BBX: variants seen among roughly 807,000 people sequenced by gnomAD.
BBX encodes the protein BBX high mobility group box domain containing.
In BBX, 30 loss-of-function variants were observed where a neutral mutation model predicts 100.2. The observed-to-expected ratio is 0.30, with a 90% confidence interval of 0.22 to 0.41. The LOEUF is 0.41. Among genes scored for constraint, BBX ranks in the 10% least tolerant of loss-of-function variants. BBX has a pLI of 1.00. For synonymous variants in BBX, 376 were observed against 388.1 expected, an observed-to-expected ratio of 0.97 and a Z score of 0.37; for missense variants, 1,023 against 1,129.8, an observed-to-expected ratio of 0.91 and a Z score of 1.35.
intron 2 of BBX, among the ~76,000 whole-genome samples, chr3:107,635,759 C>G (rs574058530): frequency 6.7e-6 from 1 of 149,640 alleles, no homozygotes; most frequent in Admixed American, 6.7e-5. Context: ...GTTGCCCAGG[C>G]TGGGGTGCAG....
chr3:107,679,840 C>T (rs886393557), intron 3 of BBX, among the ~76,000 whole-genome samples: 2 of 152,140 alleles, frequency 1.3e-5, no homozygotes, highest in South Asian at 2.1e-4. Flanking sequence ...TTACTCTTCC[C>T]CAAAGCCATA....
intron 5 of BBX, among the ~76,000 whole-genome samples, chr3:107,725,136 T>C (rs2062824026): frequency 6.6e-6 from 1 of 152,130 alleles, no homozygotes. Context: ...CCCTTGTAAG[T>C]TGGATTGCTA....
At chr3:107,746,080 A>G (rs2064576431) in intron 8 of BBX, among the ~76,000 whole-genome samples, 1 of 152,126 alleles carries the variant, frequency 6.6e-6, no homozygotes, top group African/African-American at 2.4e-5. Context: ...CTTCTGAGAT[A>G]CTTTTCACAA....
rs79652529 is a variant in BBX at position 107,602,568 on chromosome 3, G to A, written c.-83-43268G>A. On this transcript the variant is annotated intron_variant, in intron 2 of 17. Coordinates refer to ENST00000325805, the MANE Select transcript of BBX (RefSeq NM_001142568.3). ...CTTGTCTCAAAAAATATATATTGGT[G>A]ATTCATTGGGAGGAGGTGAAAATAT... Among the ~76,000 whole-genome samples the A allele has an allele frequency of 4.2e-3, 644 of 152,270 alleles. 1 individual carries two copies. The highest frequency in any genetic ancestry group is 7.3e-3 in the Admixed American group (111 of 15,292).
rs1156396951 is a variant in BBX, at chr3:107,737,884, G to GTTTTTTTTTTT, written c.669+4881_669+4891dup. On this transcript the variant is annotated intron_variant, in intron 7 of 17. Transcript: ENST00000325805. ...GGACCAGAAGTACTTCAGAGTTCCA[G>GTTTTTTTTTTT]TTTTTTTTTTTTTTTTTTTTTTTTT... 7.8e-4 allele frequency among the ~76,000 whole-genome samples: 38 copies of GTTTTTTTTTTT among 48,888 alleles called. 4 individuals are homozygous for GTTTTTTTTTTT. The highest frequency in any genetic ancestry group is 1.1e-3 in the Non-Finnish European group (32 of 29,118). The allele number at this position is 48,888 out of a possible 152,430, so 32.1% of individuals were successfully genotyped here.
intron 3 of BBX, among the ~76,000 whole-genome samples, chr3:107,708,468 G>A (rs1002564122): frequency 2.6e-5 from 4 of 152,246 alleles, no homozygotes; most frequent in South Asian, 2.1e-4. Context: ...AAGGTCAGGA[G>A]TTCAAGACCA....
intron 3 of BBX, among the ~76,000 whole-genome samples, chr3:107,654,835 C>T (rs1307107184): frequency 6.6e-6 from 1 of 151,972 alleles, no homozygotes; most frequent in African/African-American, 2.4e-5. Context: ...TGAAATGGGG[C>T]AAATACCTGC....
chr3:107,695,517 T>A (rs900994044), intron 3 of BBX, among the ~76,000 whole-genome samples: 1 of 142,626 alleles, frequency 7.0e-6, no homozygotes, highest in Non-Finnish European at 1.5e-5. Flanking sequence ...TGAGTGAGAT[T>A]CTTAATCCTG....
Position 107,805,464 on chromosome 3 carries a change from C to G in BBX, c.*7C>G, listed in dbSNP as rs750705038. On this transcript the variant is annotated 3_prime_UTR_variant, in exon 18 of 18. Coordinates refer to ENST00000325805, the MANE Select transcript of BBX (RefSeq NM_001142568.3). Reference sequence around the variant, plus strand: ...TTCCTGCGCTGACCAGTGAAGCGCCCTTTCATTGTAAAACATTGTGCTTTA... The same window carrying G: ...TTCCTGCGCTGACCAGTGAAGCGCCGTTTCATTGTAAAACATTGTGCTTTA... The G allele has an allele frequency of 7.4e-6, 12 of 1,614,154 alleles. No individual in the cohort carries two copies. In the South Asian group the frequency reaches 1.3e-4, roughly 18 times the overall value.
intron 10 of BBX, among the ~76,000 whole-genome samples, chr3:107,764,598 C>A (rs181567463): frequency 1.6e-3 from 243 of 152,304 alleles, no homozygotes; most frequent in African/African-American, 5.7e-3. Flanking sequence ...TCTTTGAATG[C>A]AGTCACGGGA....
chr3:107,656,328 A>G (rs2058140962), intron 3 of BBX, among the ~76,000 whole-genome samples: 1 of 152,184 alleles, frequency 6.6e-6, no homozygotes, highest in African/African-American at 2.4e-5. Flanking sequence ...TCTCTCAACA[A>G]TTAATATATC....
chr3:107,546,332 C>G (rs1273520867), intron 2 of BBX, among the ~76,000 whole-genome samples: 1 of 152,128 alleles, frequency 6.6e-6, no homozygotes, highest in Non-Finnish European at 1.5e-5. Flanking sequence ...TGTCATAAAT[C>G]TAGGAAATTT....
chr3:107,528,485 G>T (rs1313771461), intron 2 of BBX, among the ~76,000 whole-genome samples: 1 of 152,128 alleles, frequency 6.6e-6, no homozygotes, highest in African/African-American at 2.4e-5. Flanking sequence ...GAAACATTAA[G>T]AAAATGTATC....
At chr3:107,577,805 C>T (rs622405) in intron 2 of BBX, among the ~76,000 whole-genome samples, 13,573 of 152,116 alleles carry the variant, frequency 0.089, 764 homozygotes, top group Non-Finnish European at 0.12. Flanking sequence ...CCCATAAGTG[C>T]TTAGTGACTG....
chr3:107,807,887 C>G lies in BBX; in HGVS notation c.*2430C>G, dbSNP rs1348621540. The G allele has an allele frequency of 6.6e-6, 1 of 152,038 alleles. No individual in the cohort carries two copies. The highest frequency in any genetic ancestry group is 1.5e-5 in the Non-Finnish European group (1 of 68,000). The allele number at this position is 152,038 out of a possible 1,614,324, so 9.4% of individuals were successfully genotyped here. A position where few individuals can be genotyped will look rare whatever the true frequency, so the allele number is the denominator to read the frequency against. On this transcript the variant is annotated 3_prime_UTR_variant, in exon 18 of 18. Transcript: ENST00000325805. The stretch of plus-strand genomic sequence containing the variant: ...TAAAACAAACCTTTTTGTAGAAATG[C>G]TTAATTTTTAAGCGGTTAGGCACTG...
intron 3 of BBX, among the ~76,000 whole-genome samples, chr3:107,673,322 G>A (rs578110427): frequency 1.2e-3 from 176 of 152,084 alleles, no homozygotes; most frequent in African/African-American, 4.1e-3. Context: ...TTTGATTAGG[G>A]CAAAGAGTTT....
chr3:107,666,962 A>G (rs1037297659), intron 3 of BBX, among the ~76,000 whole-genome samples: 1 of 152,220 alleles, frequency 6.6e-6, no homozygotes, highest in African/African-American at 2.4e-5. Flanking sequence ...TCACTGGGCT[A>G]TACAGCCATG....
chr3:107,747,965 A>T lies in BBX; in HGVS notation c.751A>T (p.Ile251Leu), dbSNP rs780148204. Residue 251 changes from isoleucine (I) to leucine (L), a missense_variant and splice_region_variant, in exon 9 of 18, where the codon ATA (isoleucine) becomes TTA (leucine). This residue lies in a region of BBX where 95 missense variants were observed against 95.1 expected (regional missense o/e 1.00). Coordinates refer to ENST00000325805, the MANE Select transcript of BBX (RefSeq NM_001142568.3). ...QKSPLFQFAE[I>L]SSSTSHSDAS... Reference sequence around the variant, plus strand: ...TTAAAAATTGCTTGTTTCCTTTCAGATATCTTCAAGTACGTCCCACTCTGA... The same window carrying T: ...TTAAAAATTGCTTGTTTCCTTTCAGTTATCTTCAAGTACGTCCCACTCTGA... 8 of 1,610,156 alleles carry T rather than the reference A, an allele frequency of 5.0e-6. No individual in the cohort carries two copies. Among genetic ancestry groups the T allele is most frequent in the Non-Finnish European group, 6.8e-6 (8 of 1,178,232 alleles).
chr3:107,668,480 A>G (rs1204908228), intron 3 of BBX, among the ~76,000 whole-genome samples: 13 of 152,168 alleles, frequency 8.5e-5, no homozygotes, highest in Non-Finnish European at 1.3e-4. Context: ...TATTATTTCT[A>G]TGAGCCCGGA....
Sources: gnomAD v4.1 joint callset for allele counts (sites outside exome capture counted in the v4.1 genomes callset) on GRCh38, gnomAD v4.1.1 for gene constraint, gnomAD v4.1.1 regional missense constraint, MANE v1.5 for transcripts, NCBI Gene and HGNC (gene_info 2026-07-23, HGNC 2026-07-21) for gene names.